Variants in SLC4A5 observed in about 807,000 individuals in gnomAD.
SLC4A5 encodes solute carrier family 4 member 5.
SLC4A5 carries 96 observed loss-of-function variants against 120.4 expected under a neutral mutation model. The observed-to-expected ratio is 0.80, with a 90% CI of 0.68 to 0.94. The LOEUF (loss-of-function observed/expected upper bound fraction) is 0.94. Among genes scored for constraint, SLC4A5 ranks in the 40% least tolerant of loss-of-function variants. The probability of loss-of-function intolerance (pLI) is 0.00; values close to 1 mark genes in which losing one functional copy is unlikely to be tolerated. For missense variants in SLC4A5, 1,259 were observed against 1,459.5 expected, an observed-to-expected ratio of 0.86 and a Z score of 2.24; for synonymous variants, 550 against 571.1, an observed-to-expected ratio of 0.96 and a Z score of 0.53.
rs146102733 is a variant in SLC4A5 at position 74,266,047 on chromosome 2, T to C, written c.402-783A>G. Among the ~76,000 whole-genome samples the C allele has an allele frequency of 1.4e-3, 212 of 152,294 alleles. 3 individuals carry two copies. Among genetic ancestry groups the C allele is most frequent in the African/African-American group, 5.0e-3 (207 of 41,562 alleles). On this transcript the variant is annotated intron_variant, in intron 8 of 30. Transcript: ENST00000394019. ...CAACTGAAATCCCAAGGGAGGACTT[T>C]TGGACCATGACTATCTAATTCTAAA...
At chr2:74,234,060 A>AAAAC (rs199710290) in intron 22 of SLC4A5, among the ~76,000 whole-genome samples, 2 of 151,506 alleles carry the variant, frequency 1.3e-5, no homozygotes, top group Non-Finnish European at 2.9e-5. Context: ...TTTGTCTCAA[A>AAAAC]AAACAAACAA....
intron 8 of SLC4A5, among the ~76,000 whole-genome samples, chr2:74,268,869 G>A (rs908642998): frequency 9.2e-5 from 14 of 152,134 alleles, no homozygotes; most frequent in Admixed American, 4.6e-4. Flanking sequence ...TCCTCTTCAC[G>A]TAACTGTATA....
intron 8 of SLC4A5, among the ~76,000 whole-genome samples, chr2:74,285,025 T>G (rs1671937351): frequency 6.6e-6 from 1 of 152,060 alleles, no homozygotes; most frequent in Non-Finnish European, 1.5e-5. Flanking sequence ...GCATTTACCT[T>G]GAACCATTTT....
At position 74,341,114 on chromosome 2, in the gene SLC4A5, G is replaced by C. The variant is rs533433610; in HGVS notation, c.-270+1344C>G. Among the ~76,000 whole-genome samples, 16 of 152,176 alleles carry C rather than the reference G, an allele frequency of 1.1e-4. No homozygotes were observed. The East Asian group carries it at 3.1e-3, about 29-fold the overall frequency. Reference sequence around the variant, plus strand: ...GAGGTCAGGAGTTCGAGACCAGCCTGGTCAACATGGTGAAACCCCATCTCT... The same window carrying C: ...GAGGTCAGGAGTTCGAGACCAGCCTCGTCAACATGGTGAAACCCCATCTCT... On this transcript the variant is annotated intron_variant, in intron 2 of 30. Transcript: ENST00000394019.
At chr2:74,312,265 G>C (rs1672830616) in intron 6 of SLC4A5, among the ~76,000 whole-genome samples, 3 of 151,202 alleles carry the variant, frequency 2.0e-5, no homozygotes, top group African/African-American at 7.4e-5. Context: ...GTGTGTGTGT[G>C]TGTGTGTATA....
chr2:74,316,494 C>T (rs1256830909), intron 5 of SLC4A5, among the ~76,000 whole-genome samples: 1 of 152,124 alleles, frequency 6.6e-6, no homozygotes, highest in Admixed American at 6.6e-5. Flanking sequence ...TATATCATCT[C>T]CCTTTTGCAG....
intron 30 of SLC4A5, among the ~76,000 whole-genome samples, chr2:74,219,981 G>C (rs900373415): frequency 6.6e-6 from 1 of 152,146 alleles, no homozygotes; most frequent in African/African-American, 2.4e-5. Flanking sequence ...TTATAATTCA[G>C]AAGATCCCCT....
At chr2:74,299,738 G>A (rs116572314) in intron 7 of SLC4A5, among the ~76,000 whole-genome samples, 2 of 152,188 alleles carry the variant, frequency 1.3e-5, no homozygotes, top group Non-Finnish European at 2.9e-5. Flanking sequence ...GCAAGAAAGT[G>A]GAGAAAAGGG....
At chr2:74,339,738 T>C (rs1673582240) in intron 2 of SLC4A5, 1 of 152,240 alleles carries the variant, frequency 6.6e-6, no homozygotes, top group Non-Finnish European at 1.5e-5. Context: ...AAACAGATAG[T>C]TATATCCCAA....
chr2:74,275,476 C>T (rs940034761), intron 8 of SLC4A5, among the ~76,000 whole-genome samples: 3 of 152,194 alleles, frequency 2.0e-5, no homozygotes, highest in African/African-American at 7.2e-5. Context: ...AGTGGTCTGC[C>T]TCCCTCAGAG....
intron 19 of SLC4A5, among the ~76,000 whole-genome samples, chr2:74,246,212 T>C (rs1253623502): frequency 1.3e-5 from 2 of 152,166 alleles, no homozygotes; most frequent in East Asian, 3.9e-4. Flanking sequence ...CACTGGGTGT[T>C]ACCAGGTTGA....
At chr2:74,329,921 T>C (rs1323207837) in intron 4 of SLC4A5, among the ~76,000 whole-genome samples, 1 of 151,026 alleles carries the variant, frequency 6.6e-6, no homozygotes, top group Non-Finnish European at 1.5e-5. Context: ...TGGTAAGTTG[T>C]AGACAGAGGT....
chr2:74,281,864 CTT>C (rs1671825318), intron 8 of SLC4A5, among the ~76,000 whole-genome samples: 2 of 152,374 alleles, frequency 1.3e-5, no homozygotes, highest in Admixed American at 1.3e-4. Context: ...CCCCGATTCT[CTT>C]TGACATGGGC....
chr2:74,306,947 C>G, intron 6 of SLC4A5: 1 of 609,538 alleles, frequency 1.6e-6, no homozygotes, highest in Non-Finnish European at 3.1e-6. Context: ...GGGCCTGGCA[C>G]TGTCCCTCTG....
At chr2:74,216,802 TCTCA>T (rs1406510795) in exon 31 of SLC4A5, 2 of 152,142 alleles carry the variant, frequency 1.3e-5, no homozygotes, top group East Asian at 3.9e-4. Context: ...TAGAGATGGG[TCTCA>T]CTATGTTGCC....
At chr2:74,312,794 G>C (rs1178785930) in intron 6 of SLC4A5, among the ~76,000 whole-genome samples, 1 of 152,134 alleles carries the variant, frequency 6.6e-6, no homozygotes, top group African/African-American at 2.4e-5. Context: ...ATAAACCAGC[G>C]TGGTGGTGGG....
exon 31 of SLC4A5, chr2:74,216,441 CTTGT>C (rs1395851880): frequency 1.3e-5 from 2 of 152,116 alleles, no homozygotes; most frequent in South Asian, 2.1e-4. Flanking sequence ...AGTTTTCCAG[CTTGT>C]TTGATTAATC....
intron 16 of SLC4A5, 84 bp downstream of exon 16, chr2:74,252,095 T>C (rs760812931): frequency 1.9e-5 from 27 of 1,447,580 alleles, no homozygotes; most frequent in Non-Finnish European, 2.4e-5. Flanking sequence ...CTACAGACCA[T>C]GGTTGGGAAA....
chr2:74,264,410 G>T, intron 9 of SLC4A5, 111 bp from the exon 10 acceptor site: 1 of 1,294,022 alleles, frequency 7.7e-7, no homozygotes, highest in Non-Finnish European at 1.1e-6. Context: ...GAGGGGGTGT[G>T]GAAGTACTCC....
Sources: gnomAD v4.1 joint callset for allele counts (sites outside exome capture counted in the v4.1 genomes callset) on GRCh38, gnomAD v4.1.1 for gene constraint, MANE v1.5 for transcripts, NCBI Gene and HGNC (gene_info 2026-07-23, HGNC 2026-07-21) for gene names.